Variants in COL5A1 observed in about 807,000 individuals in gnomAD.
The protein encoded by COL5A1 is collagen type V alpha 1 chain, also known as collagen alpha-1(V) chain.
Under a neutral mutation model 263.7 loss-of-function variants are expected in COL5A1, and 16 were observed. The observed-to-expected ratio is 0.06, with a 90% CI of 0.04 to 0.09. The LOEUF is 0.09. Ranked by LOEUF, COL5A1 falls within the 10% of genes least tolerant of loss-of-function variation. The pLI is 1.00. For synonymous variants in COL5A1, 1,012 were observed against 1,004.5 expected, an observed-to-expected ratio of 1.01 and a Z score of -0.14; for missense variants, 2,036 against 2,540.5, an observed-to-expected ratio of 0.80 and a Z score of 4.27.
intron 6 of COL5A1, among the ~76,000 whole-genome samples, chr9:134,729,584 G>A (rs1300181676): frequency 2.2e-5 from 2 of 91,758 alleles, no homozygotes; most frequent in African/African-American, 9.8e-5. Flanking sequence ...GTGTGTGAGC[G>A]TGTGTGCATG....
At chr9:134,832,382 G>GA (rs1223148268) in intron 64 of COL5A1, among the ~76,000 whole-genome samples, 3 of 152,124 alleles carry the variant, frequency 2.0e-5, no homozygotes, top group Non-Finnish European at 4.4e-5. Flanking sequence ...CTCCATCCTG[G>GA]GGGACAGGGT....
chr9:134,690,045 G>A (rs953441193), intron 1 of COL5A1, among the ~76,000 whole-genome samples: 7 of 152,260 alleles, frequency 4.6e-5, no homozygotes, highest in South Asian at 2.1e-4. Flanking sequence ...AGATGGGGCC[G>A]TCTTTTGTGT....
chr9:134,797,008 A>C, intron 36 of COL5A1, 107 bp downstream of exon 36: 1 of 1,208,490 alleles, frequency 8.3e-7, no homozygotes, highest in Non-Finnish European at 1.2e-6. Flanking sequence ...GGAGCTCCTC[A>C]CAGTGGCCGG....
intron 1 of COL5A1, among the ~76,000 whole-genome samples, chr9:134,644,752 C>G (rs188370379): frequency 9.9e-5 from 15 of 152,058 alleles, no homozygotes; most frequent in African/African-American, 3.6e-4. Context: ...AACAGTGTAA[C>G]GGGGAAGGAG....
At chr9:134,807,396 C>G (rs1208267843) in intron 42 of COL5A1, among the ~76,000 whole-genome samples, 1 of 152,192 alleles carries the variant, frequency 6.6e-6, no homozygotes, top group Non-Finnish European at 1.5e-5. Flanking sequence ...TGGGTTCAAG[C>G]AATTCTCCTG....
intron 37 of COL5A1, among the ~76,000 whole-genome samples, chr9:134,801,297 G>A (rs1838104472): frequency 6.6e-6 from 1 of 152,254 alleles, no homozygotes; most frequent in Non-Finnish European, 1.5e-5. Context: ...TGCATCAGAG[G>A]CGTTCACGCC....
rs764817290 is a variant in COL5A1, at chr9:134,835,144, C to T, written c.5310C>T (p.Asn1770=). ...AGGCCCTCCGCTTCCTGGGCTCCAA[C>T]GACGAGGAGATGTCCTATGACAACA... ...YDKALRFLGS[N]DEEMSYDNNP... is the part of the protein sequence containing the mutation. The change falls in exon 65 of 66, where the codon AAC becomes AAT. Residue 1770 remains asparagine, a synonymous_variant. Transcript: ENST00000371817. The T allele has an allele frequency of 4.6e-5, 74 of 1,613,758 alleles. No homozygotes were observed. Among genetic ancestry groups the T allele is most frequent in the Non-Finnish European group, 6.2e-5 (73 of 1,180,044 alleles).
chr9:134,669,343 TTTCCATCCCTTC>T lies in COL5A1; in HGVS notation c.110-21560_110-21549del, dbSNP rs1437019649. On this transcript the variant is annotated intron_variant, in intron 1 of 65. Coordinates refer to ENST00000371817, the MANE Select transcript of COL5A1 (RefSeq NM_000093.5). The stretch of plus-strand genomic sequence containing the variant: ...TTCTCCTTCCTTCCTTCCTTCCTTC[TTTCCATCCCTTC>T]TTCCATCCATTCATCTACACATCCA... 1.7e-4 allele frequency among the ~76,000 whole-genome samples: 22 copies of T among 131,262 alleles called. 1 individual carries two copies. The highest frequency in any genetic ancestry group is 3.6e-4 in the Non-Finnish European group (22 of 61,942). The allele number at this position is 131,262 out of a possible 152,430, so 86.1% of individuals were successfully genotyped here. A position where few individuals can be genotyped will look rare whatever the true frequency, so the allele number is the denominator to read the frequency against.
intron 32 of COL5A1, among the ~76,000 whole-genome samples, chr9:134,791,410 G>A (rs1837686637): frequency 6.6e-6 from 1 of 152,224 alleles, no homozygotes; most frequent in Non-Finnish European, 1.5e-5. Flanking sequence ...AGGACACTGA[G>A]CACAGCCTTT....
rs367822622 is a variant in COL5A1 at position 134,680,371 on chromosome 9, G to C, written c.110-10541G>C. Among the ~76,000 whole-genome samples, 1 of 152,196 alleles carries C rather than the reference G, an allele frequency of 6.6e-6. No homozygotes were observed. On this transcript the variant is annotated intron_variant, in intron 1 of 65. Transcript: ENST00000371817. The surrounding 1 kb of genome is among the most constrained non-coding windows in gnomAD (Gnocchi z 5.9). ...TGTTGACAGACAAGCTGGGCAGGTGGGCAGAGTCATTTTTACAAAGGTTGG... is the reference window on the plus strand; with the variant it reads ...TGTTGACAGACAAGCTGGGCAGGTGCGCAGAGTCATTTTTACAAAGGTTGG...
At position 134,796,355 on chromosome 9, in the gene COL5A1, C is replaced by T. The variant is rs201270145; in HGVS notation, c.2800-19C>T. 1.1e-5 allele frequency: 18 copies of T among 1,613,578 alleles called. No homozygotes were observed. Among genetic ancestry groups the T allele is most frequent in the East Asian group, 2.2e-5 (1 of 44,876 alleles). ...TAATAACAATCATAAGCTTTTCCCCCCTCTCCTTCCCTCTCAAGGGCAACT... is the reference window on the plus strand; with the variant it reads ...TAATAACAATCATAAGCTTTTCCCCTCTCTCCTTCCCTCTCAAGGGCAACT... On this transcript the variant is annotated intron_variant, in intron 34 of 65. Coordinates refer to ENST00000371817, the MANE Select transcript of COL5A1 (RefSeq NM_000093.5).
At chr9:134,793,000 G>A (rs554425822) in intron 32 of COL5A1, among the ~76,000 whole-genome samples, 25 of 152,264 alleles carry the variant, frequency 1.6e-4, no homozygotes, top group African/African-American at 6.0e-4. Context: ...CCTACCTTCT[G>A]CAGAGCTAGC....
chr9:134,652,981 C>T lies in COL5A1; in HGVS notation c.109+10685C>T, dbSNP rs74872827. On this transcript the variant is annotated intron_variant, in intron 1 of 65. Transcript: ENST00000371817. This position sits in a 1 kb window ranked among gnomAD's most constrained non-coding sequence, Gnocchi z 4.4. ...ACTTTGCAAACCACGAGTCGTTCTG[C>T]GTCCTCGAGCCCAGGGTCTTGGATT... 281 of 277,100 alleles carry T rather than the reference C, an allele frequency of 1.0e-3. 1 individual carries two copies. In the East Asian group the frequency reaches 0.015, roughly 15 times the overall value. 17.2% of individuals were successfully genotyped at this position (277,100 alleles called of 1,614,324 possible). A position where few individuals can be genotyped will look rare whatever the true frequency, so the allele number is the denominator to read the frequency against.
intron 1 of COL5A1, among the ~76,000 whole-genome samples, chr9:134,651,953 A>G (rs1831703003): frequency 6.6e-6 from 1 of 152,134 alleles, no homozygotes; most frequent in African/African-American, 2.4e-5. Flanking sequence ...AGTGAGGAGA[A>G]AGTGTCCCGT....
chr9:134,708,975 CT>C (rs1371892291), intron 4 of COL5A1: 1 of 456,466 alleles, frequency 2.2e-6, no homozygotes, highest in East Asian at 6.9e-5. Context: ...TCTCTTCCCC[CT>C]GTGTCTCTCT....
intron 25 of COL5A1, among the ~76,000 whole-genome samples, chr9:134,771,494 G>C (rs374655547): frequency 1.3e-5 from 2 of 152,204 alleles, no homozygotes; most frequent in East Asian, 3.9e-4. Flanking sequence ...GGAACTTTGC[G>C]CCCTCCCACT....
rs1588403167 is a variant in COL5A1, at chr9:134,652,645, C to G, written c.109+10349C>G. The G allele has an allele frequency of 1.1e-5, 5 of 470,014 alleles. No homozygotes were observed. The highest frequency in any genetic ancestry group is 3.3e-4 in the Middle Eastern group (1 of 3,066). The allele number at this position is 470,014 out of a possible 1,614,324, so 29.1% of individuals were successfully genotyped here. On this transcript the variant is annotated intron_variant, in intron 1 of 65. Coordinates refer to ENST00000371817, the MANE Select transcript of COL5A1 (RefSeq NM_000093.5). This position sits in a 1 kb window ranked among gnomAD's most constrained non-coding sequence, Gnocchi z 4.4. ...GACAGCCCCCACCAAAAAGACTGAC[C>G]CAGCCCGGAGGCTGCAGGAATCGTG...
At position 134,755,794 on chromosome 9, in the gene COL5A1, C is replaced by T. The variant is rs1835948009; in HGVS notation, c.1828-971C>T. Among the ~76,000 whole-genome samples the T allele has an allele frequency of 1.3e-5, 2 of 152,330 alleles. No homozygotes were observed. Among genetic ancestry groups the T allele is most frequent in the South Asian group, 4.1e-4 (2 of 4,824 alleles). On this transcript the variant is annotated intron_variant, in intron 16 of 65. Transcript: ENST00000371817. This position sits in a 1 kb window ranked among gnomAD's most constrained non-coding sequence, Gnocchi z 4.1. Reference sequence around the variant, plus strand: ...GTCTCCTTGGGGTGTGTTTGGATTTCTCTCTTTTTGCTTCTCGGCTGTTCT... The same window carrying T: ...GTCTCCTTGGGGTGTGTTTGGATTTTTCTCTTTTTGCTTCTCGGCTGTTCT...
chr9:134,805,623 C>G (rs1324931257), intron 41 of COL5A1, among the ~76,000 whole-genome samples: 2 of 152,170 alleles, frequency 1.3e-5, no homozygotes, highest in Non-Finnish European at 2.9e-5. Context: ...CGGCGGGGGC[C>G]CACTGGGCAG....
Sources: allele counts gnomAD v4.1 joint callset (sites outside exome capture counted in the v4.1 genomes callset), GRCh38; gene constraint gnomAD v4.1.1; non-coding constraint Gnocchi (gnomAD v3.1); transcripts MANE v1.5; gene names NCBI Gene and HGNC (gene_info 2026-07-23, HGNC 2026-07-21).